ORC2: variants seen among roughly 807,000 people sequenced by gnomAD.
ORC2 encodes origin recognition complex subunit 2, also known as origin recognition complex protein 2 homolog.
ORC2 carries 37 observed loss-of-function variants against 77.7 expected under a neutral mutation model. The observed-to-expected ratio is 0.48, with a 90% CI of 0.37 to 0.63. ORC2 has a LOEUF of 0.63. Ranked by LOEUF, ORC2 falls within the 20% of genes least tolerant of loss-of-function variation. The pLI is 0.00. For missense variants in ORC2, 557 were observed against 661.9 expected (o/e 0.84, Z 1.74); for synonymous variants, 201 against 229.5 (o/e 0.88, Z 1.12).
chr2:200,948,876 C>A (rs978161717), intron 5 of ORC2, among the ~76,000 whole-genome samples: 3 of 151,974 alleles, frequency 2.0e-5, no homozygotes, highest in African/African-American at 7.2e-5. Flanking sequence ...CAGCAAAACT[C>A]TTATTTATTA....
rs1250275610 is a variant in ORC2, at chr2:200,926,901, C to T, written c.918-1G>A. The T allele has an allele frequency of 6.2e-7, 1 of 1,613,356 alleles. No individual in the cohort carries two copies. The highest frequency in any genetic ancestry group is 1.7e-5 in the Admixed American group (1 of 59,846). On this transcript the variant is annotated splice_acceptor_variant, in intron 11 of 17. Coordinates refer to ENST00000234296, the MANE Select transcript of ORC2 (RefSeq NM_006190.5). LOFTEE classifies it high-confidence loss of function. Reference sequence around the variant, plus strand: ...ATAAAGCACAATGTTGAACCCAAGGCTGTTAGGAAAGACAGTATTCATGAA... The same window carrying T: ...ATAAAGCACAATGTTGAACCCAAGGTTGTTAGGAAAGACAGTATTCATGAA...
At chr2:200,934,041 G>T in intron 9 of ORC2, 67 bp from the exon 10 acceptor site, 1 of 760,778 alleles carries the variant, frequency 1.3e-6, no homozygotes, top group Non-Finnish European at 2.2e-6. Context: ...AAATTAGACA[G>T]TAATATTAAT....
In ORC2 at chr2:200,942,803, C is replaced by A. The variant is rs1298812026; in HGVS notation, c.329-26G>T. The A allele has an allele frequency of 4.9e-6, 7 of 1,435,214 alleles. No homozygotes were observed. The East Asian group carries it at 1.6e-4, about 33-fold the overall frequency. 88.9% of individuals were successfully genotyped at this position (1,435,214 alleles called of 1,614,324 possible). On this transcript the variant is annotated intron_variant, in intron 5 of 17. Coordinates refer to ENST00000234296, the MANE Select transcript of ORC2 (RefSeq NM_006190.5). The stretch of plus-strand genomic sequence containing the variant: ...CTGTAAACAAAGAAATATATAAAAA[C>A]CTTTTAAAGGACAACAGTAGATAAA...
intron 5 of ORC2, among the ~76,000 whole-genome samples, chr2:200,945,118 C>T (rs1381340937): frequency 1.3e-5 from 2 of 152,222 alleles, no homozygotes; most frequent in Admixed American, 6.5e-5. Flanking sequence ...ACAGAAAAAG[C>T]TGGCTGACCT....
intron 5 of ORC2, 114 bp downstream of exon 5, chr2:200,949,440 G>A (rs958124563): frequency 3.1e-6 from 2 of 643,008 alleles, no homozygotes; most frequent in Admixed American, 6.1e-5. Flanking sequence ...AAACCATAGG[G>A]AATCTCTCTT....
At chr2:200,935,920 C>T (rs1211647789) in intron 8 of ORC2, 28 bp from the exon 9 acceptor site, 4 of 1,596,712 alleles carry the variant, frequency 2.5e-6, no homozygotes, top group Non-Finnish European at 3.4e-6. Flanking sequence ...GCAATTTGGA[C>T]AATTTCATGG....
Position 200,921,159 on chromosome 2 carries a change from A to G in ORC2, c.1148-20T>C, listed in dbSNP as rs951021854. On this transcript the variant is annotated intron_variant, in intron 13 of 17. Coordinates refer to ENST00000234296, the MANE Select transcript of ORC2 (RefSeq NM_006190.5). The stretch of plus-strand genomic sequence containing the variant: ...AAGAATCTAAAAAGAAAAGAAATCC[A>G]ATTATTATTATTATTATTTTTAGAG... 1 of 1,488,108 alleles carries G rather than the reference A, an allele frequency of 6.7e-7. No individual in the cohort carries two copies. Among genetic ancestry groups the G allele is most frequent in the Non-Finnish European group, 9.2e-7 (1 of 1,088,514 alleles). 92.2% of individuals were successfully genotyped at this position (1,488,108 alleles called of 1,614,324 possible).
At chr2:200,930,807 T>C (rs2040926252) in intron 11 of ORC2, among the ~76,000 whole-genome samples, 2 of 152,168 alleles carry the variant, frequency 1.3e-5, no homozygotes, top group Non-Finnish European at 2.9e-5. Flanking sequence ...TTAATGGAAA[T>C]TTAAAATTTA....
In ORC2 at chr2:200,937,248, G is replaced by C. The variant is rs573921213; in HGVS notation, c.514+658C>G. On this transcript the variant is annotated intron_variant, in intron 8 of 17. Coordinates refer to ENST00000234296, the MANE Select transcript of ORC2 (RefSeq NM_006190.5). ...GGATGAGGAGAAAACATAAGACATG[G>C]GATATAGTTGACATGAAATAACAAT... Among the ~76,000 whole-genome samples the C allele has an allele frequency of 2.6e-5, 4 of 152,142 alleles. No homozygotes were observed. The South Asian group carries it at 8.3e-4, about 32-fold the overall frequency.
chr2:200,933,058 C>G (rs2040970709), intron 10 of ORC2, among the ~76,000 whole-genome samples: 1 of 152,122 alleles, frequency 6.6e-6, no homozygotes, highest in African/African-American at 2.4e-5. Context: ...AGTCTAGACT[C>G]ATGTGTCCTT....
chr2:200,923,415 G>GT (rs2040790538), intron 13 of ORC2, among the ~76,000 whole-genome samples: 1 of 151,816 alleles, frequency 6.6e-6, no homozygotes, highest in Admixed American at 6.6e-5. Context: ...GGACCGGCTA[G>GT]TTTTTTGTAT....
chr2:200,957,557 C>A lies in ORC2; in HGVS notation c.95-13G>T. 6.4e-7 allele frequency: 1 copy of A among 1,570,204 alleles called. No individual in the cohort carries two copies. Among genetic ancestry groups the A allele is most frequent in the Non-Finnish European group, 8.6e-7 (1 of 1,160,400 alleles). ...TTCAATTTAGCTCCTATAAGAACAT[C>A]CAAAGAAATAGAGCATGACAGGTAT... On this transcript the variant is annotated splice_polypyrimidine_tract_variant and intron_variant, in intron 3 of 17. Coordinates refer to ENST00000234296, the MANE Select transcript of ORC2 (RefSeq NM_006190.5).
chr2:200,921,368 T>G (rs867937308), intron 13 of ORC2: 6 of 263,812 alleles, frequency 2.3e-5, no homozygotes, highest in Middle Eastern at 1.1e-3. Flanking sequence ...TTGCCCAGGT[T>G]GGTCTTGAAC....
intron 1 of ORC2, among the ~76,000 whole-genome samples, chr2:200,960,382 C>A (rs927300741): frequency 6.6e-6 from 1 of 152,100 alleles, no homozygotes; most frequent in Non-Finnish European, 1.5e-5. Context: ...ATAATAAATA[C>A]TTCATCTATA....
intron 15 of ORC2, among the ~76,000 whole-genome samples, chr2:200,917,283 C>G (rs2124934920): frequency 6.6e-6 from 1 of 152,174 alleles, no homozygotes; most frequent in Admixed American, 6.5e-5. Context: ...GCATGAGCCA[C>G]CGCGCCCAGC....
At position 200,910,375 on chromosome 2, in the gene ORC2, G is replaced by A. The variant is rs1328220066; in HGVS notation, c.*926C>T. ...AAGGAAAAAACTGAAATATCTTACA[G>A]TGAGTTTTAGGTCTACTTGACAGAG... On this transcript the variant is annotated 3_prime_UTR_variant, in exon 18 of 18. Coordinates refer to ENST00000234296, the MANE Select transcript of ORC2 (RefSeq NM_006190.5). 1 of 152,180 alleles carries A rather than the reference G, an allele frequency of 6.6e-6. No homozygotes were observed. Among genetic ancestry groups the A allele is most frequent in the Non-Finnish European group, 1.5e-5 (1 of 68,038 alleles). 9.4% of individuals were successfully genotyped at this position (152,180 alleles called of 1,614,324 possible).
chr2:200,937,033 T>C (rs1022960182), intron 8 of ORC2, among the ~76,000 whole-genome samples: 1 of 151,942 alleles, frequency 6.6e-6, no homozygotes, highest in African/African-American at 2.4e-5. Context: ...TGGGCATATA[T>C]AGCTCAGCAG....
Position 200,911,322 on chromosome 2 carries a change from T to C in ORC2, c.1713A>G (p.Glu571=). 6.2e-7 allele frequency: 1 copy of C among 1,607,778 alleles called. No homozygotes were observed. The highest frequency in any genetic ancestry group is 2.2e-5 in the East Asian group (1 of 44,836). ...VDNGTLTDFL[E]KEEEEA ...AGCTTCAAGCCTCCTCTTCTTCCTT[T>C]TCCAAGAAATCAGTCAATGTTCCAT... Residue 571 remains glutamate, a synonymous_variant, in exon 18 of 18, where the codon GAA becomes GAG. Transcript: ENST00000234296.
chr2:200,914,758 A>G (rs1309773454), intron 15 of ORC2, among the ~76,000 whole-genome samples: 1 of 152,138 alleles, frequency 6.6e-6, no homozygotes, highest in Non-Finnish European at 1.5e-5. Flanking sequence ...AAAATAAAAT[A>G]TGAAAGTATT....
Sources: gnomAD v4.1 joint callset for allele counts (sites outside exome capture counted in the v4.1 genomes callset) on GRCh38, gnomAD v4.1.1 for gene constraint, MANE v1.5 for transcripts, NCBI Gene and HGNC (gene_info 2026-07-23, HGNC 2026-07-21) for gene names.